The following PAK1 variants were observed in gnomAD, a reference collection of about 807,000 sequenced individuals.
PAK1 encodes p21 (RAC1) activated kinase 1, also known as serine/threonine-protein kinase PAK 1.
PAK1 carries 29 observed loss-of-function variants against 67.4 expected under a neutral mutation model. The observed-to-expected ratio is 0.43, with a 90% CI of 0.32 to 0.59. The LOEUF (loss-of-function observed/expected upper bound fraction) is 0.59. Among genes scored for constraint, PAK1 ranks in the 20% least tolerant of loss-of-function variants. The pLI, the probability that PAK1 is intolerant of heterozygous loss-of-function variation, is 0.07. For synonymous variants in PAK1, 223 were observed against 237.4 expected, an observed-to-expected ratio of 0.94 and a Z score of 0.56; for missense variants, 337 against 670.7, an observed-to-expected ratio of 0.50 and a Z score of 5.50.
chr11:77,364,460 CA>C (rs932581127), intron 5 of PAK1, among the ~76,000 whole-genome samples: 38 of 152,078 alleles, frequency 2.5e-4, no homozygotes, highest in African/African-American at 8.2e-4. Context: ...CAAAAACAAA[CA>C]AAAAAACAAC....
chr11:77,429,093 A>AAAC (rs1565696611), intron 1 of PAK1, among the ~76,000 whole-genome samples: 2 of 106,374 alleles, frequency 1.9e-5, no homozygotes, highest in Non-Finnish European at 3.4e-5. Context: ...AAAAAAAAAA[A>AAAC]ACACACACAC....
upstream of PAK1, chr11:77,477,079 C>T (rs1422132423): frequency 1.3e-5 from 2 of 152,194 alleles, no homozygotes; most frequent in African/African-American, 4.8e-5. Flanking sequence ...CTAATACAAT[C>T]TCTAATCAAA....
At chr11:77,444,351 T>G (rs892822021) in intron 1 of PAK1, among the ~76,000 whole-genome samples, 1 of 150,946 alleles carries the variant, frequency 6.6e-6, no homozygotes, top group Non-Finnish European at 1.5e-5. Flanking sequence ...CAAATTTAAC[T>G]TATTTGGTCC....
In PAK1 at chr11:77,323,193, G is replaced by A. The variant is rs760025622; in HGVS notation, c.*81C>T. 6.3e-7 allele frequency: 1 copy of A among 1,594,650 alleles called. No individual in the cohort carries two copies. Among genetic ancestry groups the A allele is most frequent in the South Asian group, 1.1e-5 (1 of 88,602 alleles). The stretch of plus-strand genomic sequence containing the variant: ...TGGGAGAAGCAAGGCAAGGAGAAGA[G>A]GGCATCAGGAGTTGGAATTTCTGAA... On this transcript the variant is annotated 3_prime_UTR_variant, in exon 15 of 15. Coordinates refer to ENST00000356341, the MANE Select transcript of PAK1 (RefSeq NM_002576.5).
chr11:77,413,733 AAAAG>A (rs899252469), intron 1 of PAK1, among the ~76,000 whole-genome samples: 5 of 151,930 alleles, frequency 3.3e-5, no homozygotes, highest in East Asian at 1.9e-4. Context: ...AGGAAGGAAG[AAAAG>A]AAAGAAAGAA....
chr11:77,472,798 G>C (rs1000336787), intron 1 of PAK1, among the ~76,000 whole-genome samples: 5 of 152,134 alleles, frequency 3.3e-5, no homozygotes, highest in African/African-American at 9.6e-5. Flanking sequence ...CACAGTTTTT[G>C]TAACAGTAGA....
chr11:77,329,825 GA>G (rs1377523471), intron 14 of PAK1, among the ~76,000 whole-genome samples: 1 of 152,032 alleles, frequency 6.6e-6, no homozygotes, highest in Non-Finnish European at 1.5e-5. Context: ...ATTCAATTAG[GA>G]AAAAAAGAAG....
At chr11:77,494,986 A>C in the PAK1 span, among the ~76,000 whole-genome samples, 5 of 151,976 alleles carry the variant, frequency 3.3e-5, no homozygotes, top group Non-Finnish European at 5.9e-5. Flanking sequence ...ACACAGTGAA[A>C]CCTTGTCTCT....
At chr11:77,503,864 A>G in the PAK1 span, among the ~76,000 whole-genome samples, 2 of 152,162 alleles carry the variant, frequency 1.3e-5, no homozygotes, top group African/African-American at 4.8e-5. Flanking sequence ...AAATAAATTA[A>G]TTAGTAATAA....
chr11:77,364,702 A>G lies in PAK1; in HGVS notation c.478-5685T>C, dbSNP rs191625379. Among the ~76,000 whole-genome samples the G allele has an allele frequency of 1.2e-4, 18 of 152,292 alleles. 1 individual carries two copies. The highest frequency in any genetic ancestry group is 1.2e-3 in the Admixed American group (18 of 15,290). ...ACGACCTAGGGGGAAAAAAGCAATC[A>G]ACAGGAACTCTGAATGTCCCCAAAT... is the stretch of plus-strand genomic sequence containing the variant. On this transcript the variant is annotated intron_variant, in intron 5 of 14. Coordinates refer to ENST00000356341, the MANE Select transcript of PAK1 (RefSeq NM_002576.5).
chr11:77,488,530 T>A, the PAK1 span, among the ~76,000 whole-genome samples: 4 of 152,162 alleles, frequency 2.6e-5, no homozygotes, highest in South Asian at 8.3e-4. Flanking sequence ...TTGAGGAAAC[T>A]CAGCAAAATT....
At chr11:77,518,043 T>G in the PAK1 span, among the ~76,000 whole-genome samples, 1 of 152,222 alleles carries the variant, frequency 6.6e-6, no homozygotes, top group African/African-American at 2.4e-5. Context: ...ACAATAAAAC[T>G]CTGCCCACTT....
intron 1 of PAK1, among the ~76,000 whole-genome samples, chr11:77,469,551 G>C (rs1330918782): frequency 6.6e-6 from 1 of 152,080 alleles, no homozygotes; most frequent in Admixed American, 6.6e-5. Flanking sequence ...ACAAAACACA[G>C]AGATAAAAAT....
chr11:77,346,347 G>A (rs1350853491), intron 9 of PAK1, among the ~76,000 whole-genome samples: 1 of 152,174 alleles, frequency 6.6e-6, no homozygotes, highest in Admixed American at 6.5e-5. Context: ...ATATAGGCTA[G>A]GAGATAGCAT....
chr11:77,507,866 A>G, the PAK1 span, among the ~76,000 whole-genome samples: 3 of 152,114 alleles, frequency 2.0e-5, no homozygotes, highest in Non-Finnish European at 1.5e-5. Context: ...ATTCAGGTAA[A>G]AAGTATCTAC....
intron 14 of PAK1, among the ~76,000 whole-genome samples, chr11:77,325,969 A>T (rs544039993): frequency 6.6e-6 from 1 of 152,308 alleles, no homozygotes; most frequent in African/African-American, 2.4e-5. Flanking sequence ...ATAATCCAAT[A>T]GGAAAGAGAT....
chr11:77,501,016 T>C, the PAK1 span, among the ~76,000 whole-genome samples: 3 of 151,762 alleles, frequency 2.0e-5, no homozygotes, highest in Non-Finnish European at 2.9e-5. Context: ...CCGGGCGTGG[T>C]GGCAGGCGCC....
chr11:77,441,767 TA>T (rs1290795410), intron 1 of PAK1, among the ~76,000 whole-genome samples: 5 of 152,254 alleles, frequency 3.3e-5, no homozygotes, highest in Non-Finnish European at 7.3e-5. Flanking sequence ...GATGATCATG[TA>T]AAACTGAATG....
chr11:77,517,979 C>A, the PAK1 span, among the ~76,000 whole-genome samples: 1 of 152,156 alleles, frequency 6.6e-6, no homozygotes, highest in Non-Finnish European at 1.5e-5. Context: ...ACAGATGAAG[C>A]TTCGCTCGCC....
Sources: allele counts gnomAD v4.1 joint callset (sites outside exome capture counted in the v4.1 genomes callset), GRCh38; gene constraint gnomAD v4.1.1; transcripts MANE v1.5; gene names NCBI Gene and HGNC (gene_info 2026-07-23, HGNC 2026-07-21).